KCTD1: variants seen among roughly 807,000 people sequenced by gnomAD.
KCTD1 encodes potassium channel tetramerization domain containing 1.
In KCTD1, 24 loss-of-function variants were observed where a neutral mutation model predicts 66.0. That is an observed-to-expected ratio of 0.36 (90% CI 0.26 to 0.51). The LOEUF (loss-of-function observed/expected upper bound fraction) is 0.51. KCTD1 is among the 20% of genes least tolerant of loss of function. KCTD1 has a pLI of 0.95. For synonymous variants in KCTD1, 511 were observed against 517.2 expected (o/e 0.99, Z 0.16); for missense variants, 943 against 1,205.2 (o/e 0.78, Z 3.22).
At chr18:26,566,731 C>T (rs1320362860) in intron 1 of KCTD1, 1 of 151,206 alleles carries the variant, frequency 6.6e-6, no homozygotes, top group African/African-American at 2.4e-5. Flanking sequence ...TCTACAGGCT[C>T]TGCGGTCTCA....
At chr18:26,575,214 G>A (rs1037727779) in intron 1 of KCTD1, 2 of 152,120 alleles carry the variant, frequency 1.3e-5, no homozygotes, top group Non-Finnish European at 2.9e-5. Context: ...TGACTTTCAC[G>A]GTGGCTTTAA....
rs991224064 is a variant in KCTD1 at position 26,468,031 on chromosome 18, AAG to A, written c.2134-8108_2134-8107del. Among the ~76,000 whole-genome samples, 1 of 151,216 alleles carries A rather than the reference AAG, an allele frequency of 6.6e-6. No homozygotes were observed. Among genetic ancestry groups the A allele is most frequent in the East Asian group, 1.9e-4 (1 of 5,180 alleles). ...GGCTACAGAGAGAGAGAGAGAGAGA[AAG>A]AGAGAATTGTGTGGTTCTCCATAAA... On this transcript the variant is annotated intron_variant, in intron 3 of 4. Coordinates refer to ENST00000580059, the MANE Select transcript of KCTD1 (RefSeq NM_001142730.3). This position sits in a 1 kb window ranked among gnomAD's most constrained non-coding sequence, Gnocchi z 4.8.
chr18:26,572,042 T>C (rs1301532970), intron 1 of KCTD1, among the ~76,000 whole-genome samples: 4 of 151,982 alleles, frequency 2.6e-5, no homozygotes, highest in Non-Finnish European at 5.9e-5. Context: ...TTTTGTTTTG[T>C]TTGTTGTTGA....
chr18:26,571,866 T>C (rs1164914952), intron 1 of KCTD1, among the ~76,000 whole-genome samples: 1 of 152,204 alleles, frequency 6.6e-6, no homozygotes, highest in East Asian at 1.9e-4. Context: ...GTGTATAATG[T>C]TCCATGTTGC....
intron 1 of KCTD1, among the ~76,000 whole-genome samples, chr18:26,604,136 A>T (rs1282646267): frequency 6.6e-6 from 1 of 152,250 alleles, no homozygotes. Flanking sequence ...GAAGACATAC[A>T]TGTGGCCAAC....
At chr18:26,637,910 A>T (rs1393080357) in intron 1 of KCTD1, among the ~76,000 whole-genome samples, 1 of 152,222 alleles carries the variant, frequency 6.6e-6, no homozygotes, top group Non-Finnish European at 1.5e-5. Flanking sequence ...CAGTGCAGTG[A>T]CTGGCACTTT....
upstream of KCTD1, among the ~76,000 whole-genome samples, chr18:26,550,565 G>GACACACACACACACACAC (rs60922405): frequency 1.0e-3 from 143 of 140,568 alleles, 2 homozygotes; most frequent in African/African-American, 2.8e-3. This position sits in a 1 kb window ranked among gnomAD's most constrained non-coding sequence, Gnocchi z 5.4. Flanking sequence ...AAGACACACA[G>GACACACACACACACACAC]ACACACACAC....
At chr18:26,590,552 T>C (rs1568002545) in intron 1 of KCTD1, among the ~76,000 whole-genome samples, 1 of 152,156 alleles carries the variant, frequency 6.6e-6, no homozygotes, top group African/African-American at 2.4e-5. Context: ...TGTTTTGTTT[T>C]AGCAAGGCTT....
chr18:26,542,455 C>G (rs938929564), intron 1 of KCTD1, among the ~76,000 whole-genome samples: 7 of 152,184 alleles, frequency 4.6e-5, no homozygotes, highest in Non-Finnish European at 1.0e-4. Context: ...CCTAAGACTT[C>G]AAAGACACAT....
chr18:26,491,670 G>A (rs567993735), intron 2 of KCTD1, among the ~76,000 whole-genome samples: 1 of 152,288 alleles, frequency 6.6e-6, no homozygotes, highest in African/African-American at 2.4e-5. Context: ...TTCACGGCAG[G>A]AAGTGACTGG....
intron 1 of KCTD1, among the ~76,000 whole-genome samples, chr18:26,593,955 A>G (rs1009195739): frequency 6.6e-6 from 1 of 152,132 alleles, no homozygotes; most frequent in African/African-American, 2.4e-5. Flanking sequence ...GGGGGGGAGA[A>G]GCAGTCAAAA....
At chr18:26,635,676 G>A (rs1347592618) in intron 1 of KCTD1, among the ~76,000 whole-genome samples, 2 of 152,142 alleles carry the variant, frequency 1.3e-5, no homozygotes, top group Non-Finnish European at 2.9e-5. Flanking sequence ...AGTGCAGGGC[G>A]CAAGGGTCTG....
chr18:26,642,805 A>G (rs988412903), upstream of KCTD1, among the ~76,000 whole-genome samples: 33 of 139,916 alleles, frequency 2.4e-4, no homozygotes, highest in African/African-American at 8.7e-4. Flanking sequence ...ATGCTGTCCC[A>G]TTTTGAAAAG....
At chr18:26,633,908 T>C (rs1314386061), upstream of KCTD1, among the ~76,000 whole-genome samples, 3 of 152,210 alleles carry the variant, frequency 2.0e-5, no homozygotes, top group Admixed American at 2.0e-4. Flanking sequence ...CATGGCAGTA[T>C]CTATTAAAAT....
chr18:26,486,615 C>A (rs1027787035), intron 2 of KCTD1, among the ~76,000 whole-genome samples: 1 of 152,210 alleles, frequency 6.6e-6, no homozygotes, highest in Non-Finnish European at 1.5e-5. Context: ...TCTGTGGTGT[C>A]AATAGCTCTA....
intron 2 of KCTD1, among the ~76,000 whole-genome samples, chr18:26,483,623 T>A (rs1598888002): frequency 6.6e-6 from 1 of 152,244 alleles, no homozygotes; most frequent in South Asian, 2.1e-4. Context: ...AGCTTCATAC[T>A]TTTTTATGGT....
At chr18:26,511,903 C>T (rs565576526) in intron 1 of KCTD1, among the ~76,000 whole-genome samples, 1 of 152,244 alleles carries the variant, frequency 6.6e-6, no homozygotes, top group South Asian at 2.1e-4. Flanking sequence ...GAAGTGGACA[C>T]CTCCCCTGCC....
chr18:26,558,709 G>A (rs1246209810), intron 1 of KCTD1, among the ~76,000 whole-genome samples: 2 of 152,130 alleles, frequency 1.3e-5, no homozygotes, highest in Non-Finnish European at 1.5e-5. Context: ...GGATCACGAG[G>A]TCAAGAGATC....
chr18:26,527,925 G>A (rs1425066506), intron 1 of KCTD1, among the ~76,000 whole-genome samples: 1 of 152,156 alleles, frequency 6.6e-6, no homozygotes, highest in East Asian at 1.9e-4. Flanking sequence ...GCTCTTCCCT[G>A]ATGAGCATCT....
Sources: gnomAD v4.1 joint callset for allele counts (sites outside exome capture counted in the v4.1 genomes callset) on GRCh38, gnomAD v4.1.1 for gene constraint, Gnocchi (gnomAD v3.1) non-coding constraint, MANE v1.5 for transcripts, NCBI Gene and HGNC (gene_info 2026-07-23, HGNC 2026-07-21) for gene names.